GSTCD: variants seen among roughly 807,000 people sequenced by gnomAD.
The protein encoded by GSTCD is glutathione S-transferase C-terminal domain-containing protein.
In GSTCD, 44 loss-of-function variants were observed where a neutral mutation model predicts 68.3. That is an observed-to-expected ratio of 0.64 (90% CI 0.51 to 0.83). The LOEUF is 0.83. Among genes scored for constraint, GSTCD ranks in the 40% least tolerant of loss-of-function variants. GSTCD has a pLI of 0.00. For synonymous variants in GSTCD, 273 were observed against 255.2 expected (o/e 1.07, Z -0.67); for missense variants, 739 against 735.9 (o/e 1.00, Z -0.05).
chr4:105,816,027 A>G (rs1284412974), intron 5 of GSTCD, among the ~76,000 whole-genome samples: 2 of 152,134 alleles, frequency 1.3e-5, no homozygotes, highest in Non-Finnish European at 2.9e-5. Context: ...AGAGAAAAAA[A>G]TAGCAGGAAT....
chr4:105,751,479 A>G (rs1401839320), intron 5 of GSTCD, among the ~76,000 whole-genome samples: 1 of 152,216 alleles, frequency 6.6e-6, no homozygotes, highest in Non-Finnish European at 1.5e-5. Flanking sequence ...GTATACACAG[A>G]TAAACATTGA....
chr4:105,758,929 G>C (rs971291813), intron 5 of GSTCD, among the ~76,000 whole-genome samples: 2 of 152,094 alleles, frequency 1.3e-5, no homozygotes, highest in Non-Finnish European at 2.9e-5. Flanking sequence ...TTAGATATTT[G>C]CAGGTATTTG....
intron 5 of GSTCD, among the ~76,000 whole-genome samples, chr4:105,819,048 C>T (rs1723147990): frequency 6.6e-6 from 1 of 151,862 alleles, no homozygotes; most frequent in South Asian, 2.1e-4. Flanking sequence ...TCAGATTGAA[C>T]TTGTCCCTAA....
At chr4:105,830,302 T>C (rs1364370631) in intron 8 of GSTCD, among the ~76,000 whole-genome samples, 2 of 152,156 alleles carry the variant, frequency 1.3e-5, no homozygotes, top group African/African-American at 2.4e-5. Flanking sequence ...CACTTCTTAA[T>C]AGTAGTGTGG....
intron 5 of GSTCD, among the ~76,000 whole-genome samples, chr4:105,773,356 C>A (rs1398674413): frequency 3.3e-5 from 5 of 152,076 alleles, no homozygotes; most frequent in African/African-American, 1.2e-4. Context: ...GTCTCTGTCT[C>A]CCTCAGTTCT....
At chr4:105,819,163 T>C (rs1054926399) in intron 5 of GSTCD, among the ~76,000 whole-genome samples, 8 of 151,798 alleles carry the variant, frequency 5.3e-5, no homozygotes, top group Non-Finnish European at 3.0e-5. Context: ...TGTCTGCCTG[T>C]ATTTTCACGT....
intron 5 of GSTCD, among the ~76,000 whole-genome samples, chr4:105,729,990 G>A (rs1020579275): frequency 8.6e-5 from 13 of 151,988 alleles, no homozygotes; most frequent in South Asian, 2.1e-4. Context: ...GAGAACATGC[G>A]GTGTTTGCTT....
chr4:105,803,794 A>T lies in GSTCD; in HGVS notation c.1241-19160A>T, dbSNP rs926496964. Among the ~76,000 whole-genome samples the T allele has an allele frequency of 6.6e-5, 10 of 152,186 alleles. No homozygotes were observed. The South Asian group carries it at 2.1e-3, about 32-fold the overall frequency. On this transcript the variant is annotated intron_variant, in intron 5 of 11. Coordinates refer to ENST00000515279, the MANE Select transcript of GSTCD (RefSeq NM_001370181.1). ...AAGAATTATACATATAATTCCATTT[A>T]TATGAAGTTTAGGAAACTTCAAATC... is the stretch of plus-strand genomic sequence containing the variant.
chr4:105,801,395 A>G (rs1029657826), intron 5 of GSTCD, among the ~76,000 whole-genome samples: 3 of 152,146 alleles, frequency 2.0e-5, no homozygotes, highest in African/African-American at 7.2e-5. Context: ...TATCTCATCC[A>G]TTCTACTCTA....
At chr4:105,721,907 G>A (rs1732868093) in intron 3 of GSTCD, among the ~76,000 whole-genome samples, 1 of 152,038 alleles carries the variant, frequency 6.6e-6, no homozygotes, top group Non-Finnish European at 1.5e-5. Context: ...TTTTCTAGTA[G>A]ATAGCGTATC....
intron 5 of GSTCD, among the ~76,000 whole-genome samples, chr4:105,783,252 T>C (rs2149250705): frequency 6.6e-6 from 1 of 152,358 alleles, no homozygotes; most frequent in Non-Finnish European, 1.5e-5. Flanking sequence ...TTAGAGACAG[T>C]GTTAGCTTCT....
chr4:105,845,763 A>G lies in GSTCD; in HGVS notation c.*186A>G, dbSNP rs1724523557. ...CTGCAAAGCATCACAAATGCTTTAC[A>G]ATGTGTGATTAAAGGACTGCTGGTT... On this transcript the variant is annotated 3_prime_UTR_variant, in exon 12 of 12. Transcript: ENST00000515279. 2 of 591,316 alleles carry G rather than the reference A, an allele frequency of 3.4e-6. No homozygotes were observed. The highest frequency in any genetic ancestry group is 3.7e-5 in the African/African-American group (2 of 53,874). The allele number at this position is 591,316 out of a possible 1,614,324, so 36.6% of individuals were successfully genotyped here.
Position 105,766,887 on chromosome 4 carries a change from C to CTTTTTTTTT in GSTCD, c.1240+37405_1240+37413dup. 1.6e-4 allele frequency among the ~76,000 whole-genome samples: 9 copies of CTTTTTTTTT among 57,126 alleles called. 1 individual carries two copies. The highest frequency in any genetic ancestry group is 4.0e-4 in the African/African-American group (5 of 12,434). 37.5% of individuals were successfully genotyped at this position (57,126 alleles called of 152,430 possible). Reference sequence around the variant, plus strand: ...CAAAAGCATGAATAGGTTTTTGACTCTTTTTTTTTTTTTTTTTTTTTTTTT... The same window carrying CTTTTTTTTT: ...CAAAAGCATGAATAGGTTTTTGACTCTTTTTTTTTTTTTTTTTTTTTTTTTTTTTTTTTT... On this transcript the variant is annotated intron_variant, in intron 5 of 11. Transcript: ENST00000515279.
chr4:105,805,921 T>C (rs1394281966), intron 5 of GSTCD, among the ~76,000 whole-genome samples: 1 of 152,110 alleles, frequency 6.6e-6, no homozygotes, highest in Non-Finnish European at 1.5e-5. Flanking sequence ...AAATTTAGAA[T>C]GTCAATCAGC....
intron 8 of GSTCD, 133 bp downstream of exon 8, chr4:105,825,933 T>C (rs1289658716): frequency 2.1e-6 from 1 of 477,726 alleles, no homozygotes; most frequent in African/African-American, 2.0e-5. Context: ...ATATTATCTA[T>C]GAAATATAGC....
At chr4:105,818,037 T>C (rs528411335) in intron 5 of GSTCD, among the ~76,000 whole-genome samples, 1 of 152,016 alleles carries the variant, frequency 6.6e-6, no homozygotes, top group African/African-American at 2.4e-5. Flanking sequence ...AGTCTCCTGG[T>C]AATCTTTTCA....
At chr4:105,786,356 C>T (rs1735464837) in intron 5 of GSTCD, among the ~76,000 whole-genome samples, 1 of 151,764 alleles carries the variant, frequency 6.6e-6, no homozygotes, top group African/African-American at 2.4e-5. Context: ...ACTAAAAGTA[C>T]AAAAAATTAG....
In GSTCD at chr4:105,719,487, T is replaced by C; in HGVS notation, c.854T>C (p.Leu285Pro). ...TTTGCAGAAGGGCTTTACTTCACTC[T>C]GGCAGATATTGTGCTCTTGCCCTGT... ...HVFAEGLYFT[L>P]ADIVLLPCIH... is the part of the protein sequence containing the mutation. Residue 285 changes from leucine (L) to proline (P), a missense_variant, in exon 3 of 12, where the codon CTG becomes CCG. Leu to Pro is a moderately conservative substitution (Grantham distance 98). Coordinates refer to ENST00000515279, the MANE Select transcript of GSTCD (RefSeq NM_001370181.1). The C allele has an allele frequency of 6.2e-7, 1 of 1,614,108 alleles. No individual in the cohort carries two copies. Among genetic ancestry groups the C allele is most frequent in the Non-Finnish European group, 8.5e-7 (1 of 1,179,948 alleles).
At chr4:105,788,963 C>G (rs1735563990) in intron 5 of GSTCD, among the ~76,000 whole-genome samples, 1 of 151,846 alleles carries the variant, frequency 6.6e-6, no homozygotes, top group East Asian at 1.9e-4. Context: ...GACTGTTTTC[C>G]TAGGTTTTCT....
Sources: gnomAD v4.1 joint callset for allele counts (sites outside exome capture counted in the v4.1 genomes callset) on GRCh38, gnomAD v4.1.1 for gene constraint, MANE v1.5 for transcripts, NCBI Gene and HGNC (gene_info 2026-07-23, HGNC 2026-07-21) for gene names.